Variants in KYAT3 observed in about 807,000 individuals in gnomAD.
KYAT3 encodes kynurenine--oxoglutarate transaminase 3.
Under a neutral mutation model 59.0 loss-of-function variants are expected in KYAT3, and 50 were observed. That is an observed-to-expected ratio of 0.85 (90% CI 0.68 to 1.07). The LOEUF is 1.07. Ranked by LOEUF, KYAT3 falls within the 50% of genes least tolerant of loss-of-function variation. The pLI is 0.00. For missense variants in KYAT3, 497 were observed against 533.3 expected, an observed-to-expected ratio of 0.93 and a Z score of 0.67; for synonymous variants, 148 against 177.0, an observed-to-expected ratio of 0.84 and a Z score of 1.30.
Position 88,953,157 on chromosome 1 carries a change from G to A in KYAT3, c.865-5C>T. 1 of 1,591,952 alleles carries A rather than the reference G, an allele frequency of 6.3e-7. No individual in the cohort carries two copies. Among genetic ancestry groups the A allele is most frequent in the South Asian group, 1.1e-5 (1 of 90,524 alleles). The stretch of plus-strand genomic sequence containing the variant: ...TGGACCAATGGACCAGCCAAGCTGG[G>A]AAAGGAAAAGATAAAAGATTTCAGA... On this transcript the variant is annotated splice_polypyrimidine_tract_variant and splice_region_variant and intron_variant, in intron 9 of 13. Coordinates refer to ENST00000260508, the MANE Select transcript of KYAT3 (RefSeq NM_001008661.3).
chr1:88,987,643 C>CT (rs926414830), intron 2 of KYAT3, among the ~76,000 whole-genome samples: 8 of 152,146 alleles, frequency 5.3e-5, no homozygotes, highest in African/African-American at 1.4e-4. Flanking sequence ...GATTTTGCCT[C>CT]TTTTTTTCTG....
At chr1:88,976,391 G>A (rs1280643367) in intron 2 of KYAT3, among the ~76,000 whole-genome samples, 4 of 151,788 alleles carry the variant, frequency 2.6e-5, no homozygotes, top group Non-Finnish European at 4.4e-5. Flanking sequence ...GCCTAGTGGA[G>A]CCATTGTAGC....
chr1:88,963,643 G>A (rs1053357067), intron 5 of KYAT3, among the ~76,000 whole-genome samples: 3 of 152,134 alleles, frequency 2.0e-5, no homozygotes, highest in South Asian at 2.1e-4. Context: ...AGTGTTCCTC[G>A]TAATCCATTT....
chr1:88,949,281 TTTG>T lies in KYAT3; in HGVS notation c.955-7_955-5del. 6.5e-7 allele frequency: 1 copy of T among 1,530,832 alleles called. No homozygotes were observed. Among genetic ancestry groups the T allele is most frequent in the Non-Finnish European group, 8.7e-7 (1 of 1,145,448 alleles). 94.8% of individuals were successfully genotyped at this position (1,530,832 alleles called of 1,614,324 possible). On this transcript the variant is annotated splice_region_variant and splice_polypyrimidine_tract_variant and intron_variant, in intron 10 of 13. Coordinates refer to ENST00000260508, the MANE Select transcript of KYAT3 (RefSeq NM_001008661.3). ...AGAAAGCTTGAGCCAAGGCTTCCTG[TTTG>T]TTAAGAATCAAAAAATATGAAAAGG... is the stretch of plus-strand genomic sequence containing the variant.
intron 13 of KYAT3, among the ~76,000 whole-genome samples, chr1:88,937,948 A>G (rs1179689136): frequency 6.6e-6 from 1 of 152,228 alleles, no homozygotes; most frequent in African/African-American, 2.4e-5. Context: ...GCAATGCATG[A>G]TTCTAGCCTG....
intron 3 of KYAT3, 47 bp from the exon 4 acceptor site, chr1:88,968,861 A>G (rs1676445235): frequency 1.4e-6 from 2 of 1,434,320 alleles, no homozygotes; most frequent in Non-Finnish European, 1.9e-6. Flanking sequence ...ACAATTATAA[A>G]GTTCGCTTTT....
intron 11 of KYAT3, 40 bp from the exon 12 acceptor site, chr1:88,943,463 T>C: frequency 1.0e-6 from 1 of 973,796 alleles, no homozygotes; most frequent in Non-Finnish European, 1.6e-6. Context: ...ATGAATTTCA[T>C]CTGATGCAAC....
intron 13 of KYAT3, among the ~76,000 whole-genome samples, chr1:88,937,549 A>G (rs1347902811): frequency 1.3e-5 from 2 of 152,210 alleles, no homozygotes; most frequent in African/African-American, 4.8e-5. Context: ...CATATGAATA[A>G]GTTAATAAAT....
At chr1:88,940,577 T>C (rs1345286715) in intron 13 of KYAT3, among the ~76,000 whole-genome samples, 1 of 152,124 alleles carries the variant, frequency 6.6e-6, no homozygotes, top group Non-Finnish European at 1.5e-5. Context: ...TAGTAAAATT[T>C]AATACAGTTG....
At chr1:88,951,515 G>C (rs1299746160) in intron 10 of KYAT3, among the ~76,000 whole-genome samples, 3 of 152,074 alleles carry the variant, frequency 2.0e-5, no homozygotes, top group African/African-American at 7.2e-5. Context: ...GATTATAGGC[G>C]TGAGCCATTG....
the KYAT3 span, among the ~76,000 whole-genome samples, chr1:88,928,426 G>A: frequency 4.6e-5 from 7 of 152,114 alleles, no homozygotes; most frequent in Admixed American, 1.3e-4. Context: ...TCAGGCAAGC[G>A]GACTTTGGAG....
chr1:88,926,142 C>A, the KYAT3 span, among the ~76,000 whole-genome samples: 29 of 152,262 alleles, frequency 1.9e-4, no homozygotes, highest in Admixed American at 7.2e-4. Flanking sequence ...TATCGTAAGT[C>A]AAAAAAGCAA....
At position 88,972,269 on chromosome 1, in the gene KYAT3, G is replaced by C. The variant is rs562071780; in HGVS notation, c.100-2802C>G. On this transcript the variant is annotated intron_variant, in intron 2 of 13. Coordinates refer to ENST00000260508, the MANE Select transcript of KYAT3 (RefSeq NM_001008661.3). ...CCCACCCATATTATGGATGGTAATT[G>C]GCTTTACTGAAAGCCTACTGATTTA... 3.3e-5 allele frequency among the ~76,000 whole-genome samples: 5 copies of C among 152,190 alleles called. No homozygotes were observed. In the East Asian group the frequency reaches 9.7e-4, roughly 29 times the overall value.
chr1:88,925,147 T>G, the KYAT3 span, among the ~76,000 whole-genome samples: 1 of 152,232 alleles, frequency 6.6e-6, no homozygotes, highest in Non-Finnish European at 1.5e-5. Flanking sequence ...TGTCGTCCGG[T>G]TCGTCTGTCT....
At chr1:88,983,799 G>A in intron 2 of KYAT3, 1 of 1,613,986 alleles carries the variant, frequency 6.2e-7, no homozygotes, top group Middle Eastern at 1.7e-4. Flanking sequence ...CCAATGAAGA[G>A]CTTTCCTGGG....
chr1:88,990,365 A>G (rs189730729), intron 1 of KYAT3, among the ~76,000 whole-genome samples: 10 of 152,168 alleles, frequency 6.6e-5, no homozygotes, highest in East Asian at 1.9e-4. Flanking sequence ...CTTTTCCTCA[A>G]TCTACGCTCC....
intron 2 of KYAT3, chr1:88,983,958 G>C (rs1677281976): frequency 1.0e-6 from 1 of 958,788 alleles, no homozygotes; most frequent in African/African-American, 1.6e-5. Flanking sequence ...GAAGCCGCTA[G>C]CACTACTGCG....
chr1:88,952,294 G>C (rs1210521462), intron 10 of KYAT3, among the ~76,000 whole-genome samples: 1 of 152,136 alleles, frequency 6.6e-6, no homozygotes, highest in East Asian at 1.9e-4. Flanking sequence ...AGGTAAGTAC[G>C]TAACTTCTTA....
downstream of KYAT3, among the ~76,000 whole-genome samples, chr1:88,932,182 C>G (rs1350830245): frequency 1.3e-5 from 2 of 152,170 alleles, 1 homozygote; most frequent in African/African-American, 4.8e-5. Flanking sequence ...TCTTTGAAGG[C>G]ACTGTGAAGA....
Sources: gnomAD v4.1 joint callset for allele counts (sites outside exome capture counted in the v4.1 genomes callset) on GRCh38, gnomAD v4.1.1 for gene constraint, MANE v1.5 for transcripts, NCBI Gene and HGNC (gene_info 2026-07-23, HGNC 2026-07-21) for gene names.